CCDC181: variants seen among roughly 807,000 people sequenced by gnomAD.
The protein encoded by CCDC181 is coiled-coil domain-containing protein 181.
In CCDC181, 35 loss-of-function variants were observed where a neutral mutation model predicts 58.7. The observed-to-expected ratio is 0.60, with a 90% CI of 0.46 to 0.79. The LOEUF (loss-of-function observed/expected upper bound fraction) is 0.79, where lower values mean the gene tolerates loss of function less well. CCDC181 is among the 30% of genes least tolerant of loss of function. CCDC181 has a pLI of 0.00. For missense variants in CCDC181, 517 were observed against 583.9 expected (o/e 0.89, Z 1.18); for synonymous variants, 183 against 197.5 (o/e 0.93, Z 0.62).
chr1:169,399,432 T>C (rs1462877476), intron 4 of CCDC181, among the ~76,000 whole-genome samples: 1 of 152,140 alleles, frequency 6.6e-6, no homozygotes, highest in Non-Finnish European at 1.5e-5. Context: ...ATAATAAAAA[T>C]TCAAGAAAAT....
At chr1:169,456,507 A>T (rs1010117448) in intron 2 of CCDC181, among the ~76,000 whole-genome samples, 1 of 152,170 alleles carries the variant, frequency 6.6e-6, no homozygotes, top group Non-Finnish European at 1.5e-5. Context: ...TTAATCCCCA[A>T]TGTGGCAGTT....
intron 4 of CCDC181, among the ~76,000 whole-genome samples, chr1:169,407,803 C>T (rs956860842): frequency 5.9e-5 from 9 of 152,174 alleles, no homozygotes; most frequent in South Asian, 2.1e-4. Flanking sequence ...GGTGAAGCGT[C>T]GCCTCACCTG....
intron 4 of CCDC181, among the ~76,000 whole-genome samples, chr1:169,417,052 C>G (rs1456302582): frequency 1.3e-5 from 2 of 152,038 alleles, no homozygotes; most frequent in Non-Finnish European, 2.9e-5. Flanking sequence ...AATTGGTTTT[C>G]CTTCTCATTC....
intron 4 of CCDC181, among the ~76,000 whole-genome samples, chr1:169,405,713 A>G (rs1655611036): frequency 6.6e-6 from 1 of 152,226 alleles, no homozygotes; most frequent in African/African-American, 2.4e-5. Context: ...CCTAGAAGAA[A>G]AGCTAGGAAA....
rs976950734 is a variant in CCDC181, at chr1:169,397,050, A to G, written c.1370+187T>C. Among the ~76,000 whole-genome samples the G allele has an allele frequency of 5.3e-5, 8 of 150,828 alleles. No homozygotes were observed. In the East Asian group the frequency reaches 1.5e-3, roughly 29 times the overall value. On this transcript the variant is annotated intron_variant, in intron 5 of 5. Coordinates refer to ENST00000367806, the MANE Select transcript of CCDC181 (RefSeq NM_001300969.2). ...TATGCATATATATATATAACTCCAT[A>G]TATATAATATATATAATAGAGTTAA...
Position 169,421,406 on chromosome 1 carries a change from A to T in CCDC181, c.1025T>A (p.Leu342Gln). Reference sequence around the variant, plus strand: ...TCTCTTTTCTTCTAGTTGTTTTTGTAGTTCTTTCTGTCGAGGGGAAAGACA... The same window carrying T: ...TCTCTTTTCTTCTAGTTGTTTTTGTTGTTCTTTCTGTCGAGGGGAAAGACA... ...TYCLSPRQKELQKQLEEKREK... is the reference protein window; with the variant it reads ...TYCLSPRQKEQQKQLEEKREK... The change falls in exon 3 of 6, where the codon CTA becomes CAA. Residue 342 changes from leucine (L) to glutamine (Q), a missense_variant. Physicochemically the swap from Leu to Gln is moderately radical, Grantham distance 113. Transcript: ENST00000367806. 6.2e-7 allele frequency: 1 copy of T among 1,612,720 alleles called. No individual in the cohort carries two copies. The highest frequency in any genetic ancestry group is 8.5e-7 in the Non-Finnish European group (1 of 1,179,756).
chr1:169,404,898 T>C (rs1054316237), intron 4 of CCDC181, among the ~76,000 whole-genome samples: 2 of 152,232 alleles, frequency 1.3e-5, no homozygotes, highest in African/African-American at 2.4e-5. Context: ...CATGATTGTA[T>C]ATTTAGAAAC....
chr1:169,431,541 T>C (rs974113266), upstream of CCDC181, among the ~76,000 whole-genome samples: 3 of 152,216 alleles, frequency 2.0e-5, no homozygotes, highest in Non-Finnish European at 4.4e-5. Context: ...ACAATTGCAC[T>C]GTCAAAACCT....
chr1:169,401,479 T>A (rs1655345773), intron 4 of CCDC181, among the ~76,000 whole-genome samples: 1 of 152,180 alleles, frequency 6.6e-6, no homozygotes, highest in South Asian at 2.1e-4. Flanking sequence ...GCAGCAACAT[T>A]TGCTGTTCTG....
At chr1:169,453,619 T>C (rs1470026983) in intron 2 of CCDC181, among the ~76,000 whole-genome samples, 2 of 152,004 alleles carry the variant, frequency 1.3e-5, no homozygotes, top group Non-Finnish European at 2.9e-5. Context: ...CTTGGAAATA[T>C]TGCCCCCAAG....
chr1:169,446,924 T>C (rs1333469937), intron 2 of CCDC181, among the ~76,000 whole-genome samples: 1 of 152,196 alleles, frequency 6.6e-6, no homozygotes, highest in Non-Finnish European at 1.5e-5. Flanking sequence ...TTTTGATAAG[T>C]TGCATTTTCA....
intron 2 of CCDC181, among the ~76,000 whole-genome samples, chr1:169,434,820 C>A (rs1478590702): frequency 1.3e-5 from 2 of 151,916 alleles, no homozygotes; most frequent in Admixed American, 6.6e-5. Flanking sequence ...CTAGCCAGAG[C>A]AATTAGGCAA....
chr1:169,407,056 A>AG, intron 4 of CCDC181, among the ~76,000 whole-genome samples: 1 of 81,482 alleles, frequency 1.2e-5, no homozygotes, highest in East Asian at 5.2e-4. Flanking sequence ...AAGATGAGGC[A>AG]GAAAAAAAAA....
chr1:169,398,948 AAG>A (rs1655201293), intron 4 of CCDC181, among the ~76,000 whole-genome samples: 1 of 152,222 alleles, frequency 6.6e-6, no homozygotes, highest in South Asian at 2.1e-4. Flanking sequence ...TGGTAACAAT[AAG>A]AGCAAAGGAG....
upstream of CCDC181, among the ~76,000 whole-genome samples, chr1:169,429,025 C>A (rs1045939122): frequency 6.6e-6 from 1 of 152,228 alleles, no homozygotes; most frequent in Non-Finnish European, 1.5e-5. Flanking sequence ...TTAGCTCCCA[C>A]TTACAAGTGA....
intron 2 of CCDC181, among the ~76,000 whole-genome samples, chr1:169,438,935 T>C (rs1657128517): frequency 6.6e-6 from 1 of 151,528 alleles, no homozygotes. Flanking sequence ...ACTCCAAGAG[T>C]ATCCCTTCCA....
At chr1:169,432,444 C>G (rs998665764), upstream of CCDC181, among the ~76,000 whole-genome samples, 8 of 152,062 alleles carry the variant, frequency 5.3e-5, no homozygotes, top group African/African-American at 1.9e-4. Context: ...TGGCTGAAAA[C>G]TTCCCAAGTT....
intron 2 of CCDC181, among the ~76,000 whole-genome samples, chr1:169,440,901 C>T (rs951947346): frequency 8.0e-6 from 1 of 124,712 alleles, no homozygotes; most frequent in Admixed American, 9.5e-5. Context: ...TGCCACTGCA[C>T]TCCAGCCCAG....
chr1:169,416,808 G>C (rs543028636), intron 4 of CCDC181, among the ~76,000 whole-genome samples: 10 of 152,022 alleles, frequency 6.6e-5, no homozygotes, highest in Admixed American at 2.0e-4. Context: ...CCTTGCCTGT[G>C]AAAGTACTGC....
Sources: gnomAD v4.1 joint callset for allele counts (sites outside exome capture counted in the v4.1 genomes callset) on GRCh38, gnomAD v4.1.1 for gene constraint, MANE v1.5 for transcripts, NCBI Gene and HGNC (gene_info 2026-07-23, HGNC 2026-07-21) for gene names.